Variants in MTA3 observed in about 807,000 individuals in gnomAD.
MTA3 encodes the protein metastasis-associated protein MTA3.
In MTA3, 34 loss-of-function variants were observed where a neutral mutation model predicts 83.5. The observed-to-expected ratio is 0.41, with a 90% confidence interval of 0.31 to 0.54. The LOEUF (loss-of-function observed/expected upper bound fraction) is 0.54, where lower values mean the gene tolerates loss of function less well. MTA3 is among the 20% of genes least tolerant of loss of function. MTA3 has a pLI of 0.33. For missense variants in MTA3, 761 were observed against 726.4 expected (o/e 1.05, Z -0.55); for synonymous variants, 303 against 252.7 (o/e 1.20, Z -1.89).
At chr2:42,628,206 T>TTTTATTTATTTATTTATTTA (rs144338385) in intron 4 of MTA3, among the ~76,000 whole-genome samples, 96 of 142,596 alleles carry the variant, frequency 6.7e-4, no homozygotes, top group Non-Finnish European at 8.4e-4. Flanking sequence ...CTTCTTATCG[T>TTTTATTTATTTATTTATTTA]TTTATTTATT....
At chr2:42,599,495 T>C (rs1573166539) in intron 3 of MTA3, among the ~76,000 whole-genome samples, 3 of 151,292 alleles carry the variant, frequency 2.0e-5, no homozygotes, top group Admixed American at 6.6e-5. Flanking sequence ...GAGGGTGAGG[T>C]AGGAGAATGG....
chr2:42,603,024 C>A (rs553897968), intron 3 of MTA3, among the ~76,000 whole-genome samples: 1 of 152,016 alleles, frequency 6.6e-6, no homozygotes, highest in African/African-American at 2.4e-5. Flanking sequence ...GCCTGGAATC[C>A]AGGATGGACT....
chr2:42,613,086 A>G (rs766673463), intron 4 of MTA3, among the ~76,000 whole-genome samples: 2 of 152,212 alleles, frequency 1.3e-5, no homozygotes, highest in African/African-American at 4.8e-5. Flanking sequence ...TTTGTCTTCC[A>G]TAAGGACTGA....
chr2:42,632,991 A>G (rs1686829910), intron 4 of MTA3, among the ~76,000 whole-genome samples: 1 of 151,528 alleles, frequency 6.6e-6, no homozygotes, highest in African/African-American at 2.4e-5. Flanking sequence ...ACAGTCGGGC[A>G]TGGTGGCTTA....
intron 4 of MTA3, among the ~76,000 whole-genome samples, chr2:42,638,336 A>T (rs957659257): frequency 6.6e-6 from 1 of 152,018 alleles, no homozygotes; most frequent in East Asian, 1.9e-4. Flanking sequence ...CAGCAGAGCA[A>T]TTTCCCTAGT....
At chr2:42,732,611 T>G (rs1207091230) in intron 16 of MTA3, among the ~76,000 whole-genome samples, 3 of 152,244 alleles carry the variant, frequency 2.0e-5, no homozygotes, top group African/African-American at 7.2e-5. Flanking sequence ...TTGCTACTTA[T>G]GCAAATTTCT....
chr2:42,535,763 C>T (rs1676198646), intron 2 of MTA3, among the ~76,000 whole-genome samples: 1 of 152,028 alleles, frequency 6.6e-6, no homozygotes, highest in Non-Finnish European at 1.5e-5. Context: ...AAGTGTTGAC[C>T]TGTCACTCTG....
intron 2 of MTA3, among the ~76,000 whole-genome samples, chr2:42,538,406 CA>C (rs1676352369): frequency 6.6e-6 from 1 of 151,732 alleles, no homozygotes; most frequent in Non-Finnish European, 1.5e-5. Flanking sequence ...AAAAGTTTGG[CA>C]AAAATATGAT....
intron 2 of MTA3, among the ~76,000 whole-genome samples, chr2:42,535,894 G>T (rs1376821882): frequency 1.5e-5 from 2 of 129,096 alleles, no homozygotes; most frequent in African/African-American, 2.8e-5. Flanking sequence ...CAAGCCAGGA[G>T]GATCCCATGA....
At chr2:42,728,417 C>G (rs1300193281) in intron 16 of MTA3, among the ~76,000 whole-genome samples, 2 of 152,198 alleles carry the variant, frequency 1.3e-5, no homozygotes, top group Admixed American at 6.5e-5. Flanking sequence ...GCAGATATCT[C>G]TTCAATACGC....
chr2:42,609,356 G>C, intron 3 of MTA3, 102 bp from the exon 4 acceptor site: 5 of 1,270,076 alleles, frequency 3.9e-6, no homozygotes, highest in Non-Finnish European at 5.5e-6. Flanking sequence ...AAATTGATTA[G>C]TTTGAAGAAA....
intron 8 of MTA3, among the ~76,000 whole-genome samples, chr2:42,667,666 G>C (rs1573545558): frequency 7.5e-6 from 1 of 133,704 alleles, no homozygotes; most frequent in Admixed American, 7.8e-5. Flanking sequence ...AGTCAGTCTT[G>C]CTCTGTCCCT....
intron 16 of MTA3, among the ~76,000 whole-genome samples, chr2:42,723,700 T>G (rs1167142869): frequency 6.6e-6 from 1 of 152,252 alleles, no homozygotes; most frequent in African/African-American, 2.4e-5. Flanking sequence ...TATATGTTCT[T>G]CATTTCAGTA....
chr2:42,525,479 C>CTTCCTTCCTTCCTTCCTTCCTTCT (rs1675648698), intron 2 of MTA3, among the ~76,000 whole-genome samples: 1 of 146,280 alleles, frequency 6.8e-6, no homozygotes, highest in South Asian at 2.3e-4. Context: ...GGATCAATTC[C>CTTCCTTCCTTCCTTCCTTCCTTCT]TTCCTTCCTT....
chr2:42,704,976 A>C (rs112467668), intron 12 of MTA3, among the ~76,000 whole-genome samples: 1 of 152,222 alleles, frequency 6.6e-6, no homozygotes, highest in Non-Finnish European at 1.5e-5. Context: ...ATTATCATCT[A>C]TGTTTCCTTC....
upstream of MTA3, among the ~76,000 whole-genome samples, chr2:42,567,259 C>T (rs190823146): frequency 1.3e-5 from 2 of 152,180 alleles, no homozygotes; most frequent in South Asian, 2.1e-4. Flanking sequence ...GGGGAACTCA[C>T]GTCCCCATTT....
intron 4 of MTA3, among the ~76,000 whole-genome samples, chr2:42,623,720 A>T (rs74415143): frequency 1.1e-4 from 14 of 131,764 alleles, no homozygotes; most frequent in South Asian, 2.4e-4. Flanking sequence ...TTTTTTTGAG[A>T]CAGAGTCTGT....
At chr2:42,500,382 G>C (rs1674342151) in intron 2 of MTA3, among the ~76,000 whole-genome samples, 1 of 152,072 alleles carries the variant, frequency 6.6e-6, no homozygotes, top group Non-Finnish European at 1.5e-5. Context: ...TTGGGTGACA[G>C]AGTGAGATTC....
upstream of MTA3, among the ~76,000 whole-genome samples, chr2:42,494,250 G>A (rs1320351651): frequency 2.0e-5 from 3 of 152,094 alleles, no homozygotes; most frequent in Non-Finnish European, 2.9e-5. Context: ...CAGGGCGGGG[G>A]AGCGGGGAGC....
Sources: gnomAD v4.1 joint callset for allele counts (sites outside exome capture counted in the v4.1 genomes callset) on GRCh38, gnomAD v4.1.1 for gene constraint, MANE v1.5 for transcripts, NCBI Gene and HGNC (gene_info 2026-07-23, HGNC 2026-07-21) for gene names.